The following SHANK1 variants were observed in gnomAD, a reference collection of about 807,000 sequenced individuals.
SHANK1 encodes SH3 and multiple ankyrin repeat domains protein 1.
Under a neutral mutation model 165.6 loss-of-function variants are expected in SHANK1, and 35 were observed. The observed-to-expected ratio is 0.21, with a 90% CI of 0.16 to 0.28. SHANK1 has a LOEUF of 0.28. Ranked by LOEUF, SHANK1 falls within the 10% of genes least tolerant of loss-of-function variation. The pLI is 1.00. For missense variants in SHANK1, 2,681 were observed against 3,036.4 expected (o/e 0.88, Z 2.75); for synonymous variants, 1,428 against 1,384.8 (o/e 1.03, Z -0.69).
Position 50,697,351 on chromosome 19 carries a change from C to A in SHANK1, c.1938-229G>T, listed in dbSNP as rs1184244630. On this transcript the variant is annotated intron_variant, in intron 14 of 23. Transcript: ENST00000293441. This position sits in a 1 kb window ranked among gnomAD's most constrained non-coding sequence, Gnocchi z 4.7. The stretch of plus-strand genomic sequence containing the variant: ...GCCCCCCCAGGCATCCCCACCCTGC[C>A]CTGACCACCCCGTTGTCTCTGGCTA... Among the ~76,000 whole-genome samples, 1 of 152,184 alleles carries A rather than the reference C, an allele frequency of 6.6e-6. No individual in the cohort carries two copies. The highest frequency in any genetic ancestry group is 1.5e-5 in the Non-Finnish European group (1 of 68,030).
rs1056139411 is a variant in SHANK1 at position 50,662,164 on chromosome 19, C to T, written c.6287G>A (p.Gly2096Glu). 5.0e-6 allele frequency: 8 copies of T among 1,612,384 alleles called. No homozygotes were observed. Among genetic ancestry groups the T allele is most frequent in the Admixed American group, 1.7e-5 (1 of 59,956 alleles). ...AGCCACGTCGAACTTGGTCCAGAAC[C>T]CCAGAGGTTTAGCGCCAAACGGCTT... ...PDKPFGAKPL[G>E]FWTKFDVADW... is the part of the protein sequence containing the mutation. The change falls in exon 24 of 24, where the codon GGG (glycine) becomes GAG (glutamate). Residue 2096 changes from glycine to glutamate, a missense_variant. Gly to Glu is a moderately conservative substitution (Grantham distance 98, BLOSUM62 -2). This residue lies in a region of SHANK1 where 49 missense variants were observed against 94.2 expected (regional missense o/e 0.52). Transcript: ENST00000293441. This position sits in a 1 kb window ranked among gnomAD's most constrained non-coding sequence, Gnocchi z 7.7.
rs907583270 is a variant in SHANK1 at position 50,689,132 on chromosome 19, C to T, written c.2047+65G>A. The T allele has an allele frequency of 5.1e-6, 7 of 1,373,810 alleles. No individual in the cohort carries two copies. The East Asian group carries it at 9.2e-5, about 18-fold the overall frequency. The allele number at this position is 1,373,810 out of a possible 1,614,324, so 85.1% of individuals were successfully genotyped here. A position where few individuals can be genotyped will look rare whatever the true frequency, so the allele number is the denominator to read the frequency against. ...GGGGTCCCTTCCCCTTTCCAGCCCC[C>T]ATTTTCAGCCCTGCTTCTGGGGTCA... On this transcript the variant is annotated intron_variant, in intron 16 of 23. Transcript: ENST00000293441.
chr19:50,667,301 C>A lies in SHANK1; in HGVS notation c.4659G>T (p.Ser1553=), dbSNP rs1351878013. The A allele has an allele frequency of 3.1e-6, 5 of 1,593,092 alleles. No individual in the cohort carries two copies. The highest frequency in any genetic ancestry group is 4.3e-6 in the Non-Finnish European group (5 of 1,176,336). ...PLLVLPPPAP[S]VDVEDGEFLF... is the part of the protein sequence containing the mutation. The stretch of plus-strand genomic sequence containing the variant: ...GGAATTCGCCATCTTCCACATCCAC[C>A]GAGGGGGCGGGAGGCGGCAGGACCA... The change falls in exon 23 of 24, where the codon TCG becomes TCT. Residue 1553 remains serine, a synonymous_variant. Transcript: ENST00000293441. This position sits in a 1 kb window ranked among gnomAD's most constrained non-coding sequence, Gnocchi z 5.7.
chr19:50,712,931 G>A (rs966722929), intron 6 of SHANK1, among the ~76,000 whole-genome samples: 7 of 152,170 alleles, frequency 4.6e-5, no homozygotes, highest in Non-Finnish European at 5.9e-5. Context: ...CTTGGATAGC[G>A]CAGGTCTGGA....
intron 8 of SHANK1, among the ~76,000 whole-genome samples, chr19:50,709,719 T>C (rs1264702704): frequency 6.6e-6 from 1 of 152,106 alleles, no homozygotes; most frequent in Non-Finnish European, 1.5e-5. Context: ...CCAGCTAATT[T>C]TTGTATTTTT....
intron 3 of SHANK1, 78 bp from the exon 4 acceptor site, chr19:50,715,808 G>T: frequency 2.2e-6 from 3 of 1,379,100 alleles, no homozygotes; most frequent in Non-Finnish European, 3.1e-6. Context: ...TGGGGTAGGG[G>T]AAGGTCTGAT....
intron 10 of SHANK1, 95 bp from the exon 11 acceptor site, chr19:50,703,925 G>T: frequency 1.4e-6 from 1 of 707,448 alleles, no homozygotes; most frequent in Non-Finnish European, 2.3e-6. Flanking sequence ...AGAGAGGCAT[G>T]AGGGAGAAAG....
intron 15 of SHANK1, among the ~76,000 whole-genome samples, chr19:50,696,247 C>T (rs990970143): frequency 6.6e-5 from 10 of 152,134 alleles, no homozygotes; most frequent in African/African-American, 1.9e-4. Context: ...AAGCAGAGGC[C>T]GACATAGAAG....
intron 22 of SHANK1, among the ~76,000 whole-genome samples, chr19:50,671,693 T>C (rs1320112313): frequency 1.3e-5 from 2 of 151,858 alleles, no homozygotes; most frequent in East Asian, 1.9e-4. Context: ...ACTTGTAAAA[T>C]GAATGAATGG....
rs891083807 is a variant in SHANK1, at chr19:50,719,738, C to A, written c.-376G>T. ...TTCCTCCTCCTCTTCCTCGGGCCGC[C>A]GCCGCCGCCGCCCGCTCCGCGCCTC... On this transcript the variant is annotated 5_prime_UTR_variant, in exon 1 of 24. Transcript: ENST00000293441. 6.6e-6 allele frequency among the ~76,000 whole-genome samples: 1 copy of A among 151,052 alleles called. No homozygotes were observed. Among genetic ancestry groups the A allele is most frequent in the African/African-American group, 2.4e-5 (1 of 41,186 alleles).
Position 50,715,719 on chromosome 19 carries a change from C to T in SHANK1, c.471G>A (p.Lys157=). Residue 157 remains lysine (K), a synonymous_variant, in exon 4 of 24, where the codon AAG becomes AAA. Coordinates refer to ENST00000293441, the MANE Select transcript of SHANK1 (RefSeq NM_016148.5). Reference sequence around the variant, plus strand: ...GGTTGGTCTGTTTGTAAACTCGGGTCTTGTATCGGAACTGAGGTCAAGGGT... The same window carrying T: ...GGTTGGTCTGTTTGTAAACTCGGGTTTTGTATCGGAACTGAGGTCAAGGGT... ...KGVPYLEFRY[K]TRVYKQTNLD... 2 of 1,613,880 alleles carry T rather than the reference C, an allele frequency of 1.2e-6. No homozygotes were observed. Among genetic ancestry groups the T allele is most frequent in the East Asian group, 2.2e-5 (1 of 44,872 alleles).
intron 21 of SHANK1, among the ~76,000 whole-genome samples, chr19:50,675,583 C>T (rs1469784135): frequency 2.6e-5 from 4 of 152,178 alleles, no homozygotes; most frequent in Middle Eastern, 6.8e-3. Context: ...ACTGCAGATA[C>T]GACAAATTAG....
intron 21 of SHANK1, among the ~76,000 whole-genome samples, chr19:50,672,555 CAAAAA>C (rs3987747): frequency 2.8e-5 from 1 of 35,508 alleles, no homozygotes; most frequent in African/African-American, 1.1e-4. Context: ...GACTCTGTCT[CAAAAA>C]AAAAAAAAAA....
chr19:50,681,022 CG>C (rs1001357241), intron 21 of SHANK1, among the ~76,000 whole-genome samples: 13 of 152,058 alleles, frequency 8.5e-5, no homozygotes, highest in African/African-American at 3.1e-4. Context: ...CAAGAAGCCT[CG>C]GGGGGTACTG....
At chr19:50,694,148 G>A (rs943147156) in intron 15 of SHANK1, among the ~76,000 whole-genome samples, 5 of 151,882 alleles carry the variant, frequency 3.3e-5, no homozygotes, top group East Asian at 1.9e-4. Flanking sequence ...CAGTTGGGGG[G>A]TGGGCTGGGA....
rs73932547 is a variant in SHANK1 at position 50,660,667 on chromosome 19, C to G, written c.*1298G>C. ...TGCGGTGTGCAGCCATGTCATGGTG[C>G]GCAAGAACATTATTAAAGGGGAGAA... On this transcript the variant is annotated 3_prime_UTR_variant, in exon 24 of 24. Transcript: ENST00000293441. 7.4e-6 allele frequency among the ~76,000 whole-genome samples: 1 copy of G among 134,986 alleles called. No individual in the cohort carries two copies. The highest frequency in any genetic ancestry group is 1.5e-5 in the Non-Finnish European group (1 of 65,844). The allele number at this position is 134,986 out of a possible 152,430, so 88.6% of individuals were successfully genotyped here.
Position 50,667,174 on chromosome 19 carries a change from G to A in SHANK1, c.4786C>T (p.Pro1596Ser). Residue 1596 changes from proline (P) to serine (S), a missense_variant, in exon 23 of 24, where the codon CCT becomes TCT. Pro to Ser is a moderately conservative substitution (Grantham distance 74, BLOSUM62 -1). Transcript: ENST00000293441. This position sits in a 1 kb window ranked among gnomAD's most constrained non-coding sequence, Gnocchi z 5.7. Reference sequence around the variant, plus strand: ...GGGGGTAACGGGGTGGCAGGGGCAGGTGTGTCGGGCAGCGGGTGGGGAGGC... The same window carrying A: ...GGGGGTAACGGGGTGGCAGGGGCAGATGTGTCGGGCAGCGGGTGGGGAGGC... ...PGPPHPLPDT[P>S]APATPLPPVP... The A allele has an allele frequency of 3.2e-6, 5 of 1,563,474 alleles. No individual in the cohort carries two copies. The highest frequency in any genetic ancestry group is 4.3e-6 in the Non-Finnish European group (5 of 1,161,480).
At chr19:50,703,210 C>T (rs1409905287) in intron 11 of SHANK1, among the ~76,000 whole-genome samples, 3 of 152,056 alleles carry the variant, frequency 2.0e-5, no homozygotes, top group Admixed American at 6.5e-5. Flanking sequence ...AGCTTCCCTC[C>T]ACCTCACCCT....
rs1244357638 is a variant in SHANK1 at position 50,669,059 on chromosome 19, A to G, written c.2901T>C (p.Pro967=). 1.4e-5 allele frequency: 12 copies of G among 847,528 alleles called. No homozygotes were observed. Among genetic ancestry groups the G allele is most frequent in the Non-Finnish European group, 1.8e-5 (11 of 605,732 alleles). 52.5% of individuals were successfully genotyped at this position (847,528 alleles called of 1,614,324 possible). The change falls in exon 23 of 24, where the codon CCT becomes CCC. Residue 967 remains proline (P), a synonymous_variant. Coordinates refer to ENST00000293441, the MANE Select transcript of SHANK1 (RefSeq NM_016148.5). ...GAGGGGAGGGCCCGTCAAAGGATGC[A>G]GGGGAGGAGGCGGGGAGGGGGCCAC... ...GSGGPLPASS[P]ASFDGPSPPD... is the part of the protein sequence containing the mutation.
Sources: allele counts gnomAD v4.1 joint callset (sites outside exome capture counted in the v4.1 genomes callset), GRCh38; gene constraint gnomAD v4.1.1; regional missense constraint gnomAD v4.1.1; non-coding constraint Gnocchi (gnomAD v3.1); transcripts MANE v1.5; gene names NCBI Gene and HGNC (gene_info 2026-07-23, HGNC 2026-07-21).